The following GRIN2A variants were observed in gnomAD, a reference collection of about 807,000 sequenced individuals.
GRIN2A encodes glutamate ionotropic receptor NMDA type subunit 2A.
GRIN2A carries 22 observed loss-of-function variants against 113.4 expected under a neutral mutation model. That is an observed-to-expected ratio of 0.19 (90% CI 0.14 to 0.28). GRIN2A has a LOEUF of 0.28. Among genes scored for constraint, GRIN2A ranks in the 10% least tolerant of loss-of-function variants. The pLI is 1.00. For missense variants in GRIN2A, 1,502 were observed against 1,887.0 expected, an observed-to-expected ratio of 0.80 and a Z score of 3.78; for synonymous variants, 827 against 738.4, an observed-to-expected ratio of 1.12 and a Z score of -1.94.
At chr16:10,104,940 G>A (rs553047662) in intron 2 of GRIN2A, among the ~76,000 whole-genome samples, 1 of 152,314 alleles carries the variant, frequency 6.6e-6, no homozygotes, top group African/African-American at 2.4e-5. Flanking sequence ...TATGACAACA[G>A]GGGGAGGTGC....
chr16:9,985,553 C>G lies in GRIN2A; in HGVS notation c.415-47002G>C, dbSNP rs760506833. Among the ~76,000 whole-genome samples, 232 of 151,886 alleles carry G rather than the reference C, an allele frequency of 1.5e-3. 4 individuals are homozygous for G. Among genetic ancestry groups the G allele is most frequent in the Admixed American group, 7.2e-4 (11 of 15,266 alleles). ...GTCATTTGCAACAATATGGATGGAA[C>G]TGGAGGTTAGTATGTTAAATGAAAT... On this transcript the variant is annotated intron_variant, in intron 2 of 12. Transcript: ENST00000330684.
chr16:9,858,002 C>T (rs2042997483), intron 4 of GRIN2A, among the ~76,000 whole-genome samples: 1 of 152,156 alleles, frequency 6.6e-6, no homozygotes, highest in African/African-American at 2.4e-5. Flanking sequence ...TTGGTTATAG[C>T]ATATTCATTT....
chr16:9,991,149 C>T (rs931501224), intron 2 of GRIN2A, among the ~76,000 whole-genome samples: 1 of 152,134 alleles, frequency 6.6e-6, no homozygotes. Context: ...AAGGCAAATG[C>T]CTGGTATTTC....
intron 3 of GRIN2A, among the ~76,000 whole-genome samples, chr16:9,913,829 G>A (rs1219727551): frequency 2.0e-5 from 3 of 152,110 alleles, no homozygotes; most frequent in Non-Finnish European, 4.4e-5. Context: ...TCAAGGCTCT[G>A]AGCCTGCTTA....
In GRIN2A at chr16:9,758,688, A is replaced by G. The variant is rs1322988081; in HGVS notation, c.*4461T>C. On this transcript the variant is annotated 3_prime_UTR_variant, in exon 13 of 13. Transcript: ENST00000330684. The stretch of plus-strand genomic sequence containing the variant: ...AAGTGCATTTGATCATCTCTGATCT[A>G]TATCAAGTGGCAAGCTGACCTCATC... 6 of 215,482 alleles carry G rather than the reference A, an allele frequency of 2.8e-5. No homozygotes were observed. Among genetic ancestry groups the G allele is most frequent in the African/African-American group, 4.5e-5 (2 of 44,392 alleles). The allele number at this position is 215,482 out of a possible 1,614,324, so 13.3% of individuals were successfully genotyped here.
At chr16:10,050,047 A>T (rs1027560994) in intron 2 of GRIN2A, among the ~76,000 whole-genome samples, 4 of 152,208 alleles carry the variant, frequency 2.6e-5, no homozygotes, top group Non-Finnish European at 4.4e-5. Context: ...GAACCTGTGA[A>T]TATGTTAACT....
chr16:10,112,838 G>T, intron 2 of GRIN2A: 2 of 604,776 alleles, frequency 3.3e-6, no homozygotes, highest in Non-Finnish European at 6.2e-6. Context: ...CCCAGATCGA[G>T]GGTGGCGTCC....
chr16:9,848,735 ACT>A (rs1277500715), intron 5 of GRIN2A, among the ~76,000 whole-genome samples: 9 of 64,368 alleles, frequency 1.4e-4, no homozygotes, highest in African/African-American at 4.8e-4. Flanking sequence ...TATAAAATAC[ACT>A]GTTTTATAAT....
intron 2 of GRIN2A, among the ~76,000 whole-genome samples, chr16:10,161,110 A>G (rs530515591): frequency 1.2e-4 from 19 of 152,300 alleles, no homozygotes; most frequent in African/African-American, 4.6e-4. Flanking sequence ...GTGTTGTGGG[A>G]GGGACCTGGT....
chr16:9,979,504 C>G (rs2045843690), intron 2 of GRIN2A, among the ~76,000 whole-genome samples: 1 of 152,132 alleles, frequency 6.6e-6, no homozygotes, highest in South Asian at 2.1e-4. Flanking sequence ...ACGTCTCATG[C>G]TCTGAGAGGC....
Position 9,760,122 on chromosome 16 carries a change from T to C in GRIN2A, c.*3027A>G, listed in dbSNP as rs1900515181. 4.4e-6 allele frequency: 1 copy of C among 224,976 alleles called. No homozygotes were observed. The highest frequency in any genetic ancestry group is 5.7e-5 in the Admixed American group (1 of 17,498). The allele number at this position is 224,976 out of a possible 1,614,324, so 13.9% of individuals were successfully genotyped here. A position where few individuals can be genotyped will look rare whatever the true frequency, so the allele number is the denominator to read the frequency against. ...AAACTCAGGCATTTGTGTTCAGAAA[T>C]TTGGGCTCCTTGACATCAACAAATC... On this transcript the variant is annotated 3_prime_UTR_variant, in exon 13 of 13. Transcript: ENST00000330684.
intron 2 of GRIN2A, among the ~76,000 whole-genome samples, chr16:10,021,250 G>C: frequency 6.6e-6 from 1 of 152,222 alleles, no homozygotes; most frequent in East Asian, 1.9e-4. Context: ...ACTGGTCAAT[G>C]ACGGCTCTAT....
chr16:9,889,751 G>C (rs2043655812), intron 4 of GRIN2A, among the ~76,000 whole-genome samples: 1 of 152,036 alleles, frequency 6.6e-6, no homozygotes, highest in East Asian at 1.9e-4. Flanking sequence ...CAAATATTTG[G>C]AGATTTTCTA....
intron 2 of GRIN2A, among the ~76,000 whole-genome samples, chr16:10,136,008 C>G (rs1449670023): frequency 6.6e-6 from 1 of 152,198 alleles, no homozygotes; most frequent in Non-Finnish European, 1.5e-5. Context: ...ACGCATTCCT[C>G]TATCTCCTCC....
chr16:10,062,566 G>A (rs1408405683), intron 2 of GRIN2A, among the ~76,000 whole-genome samples: 1 of 152,110 alleles, frequency 6.6e-6, no homozygotes, highest in Admixed American at 6.6e-5. Context: ...AAAACATTGG[G>A]TTAACACGCC....
intron 2 of GRIN2A, among the ~76,000 whole-genome samples, chr16:9,942,841 G>A (rs146051062): frequency 0.011 from 1,657 of 152,128 alleles, 19 homozygotes; most frequent in Admixed American, 0.016. Context: ...CATTTCTATT[G>A]GTATCTTAAA....
At chr16:10,156,415 T>C (rs1296777799) in intron 2 of GRIN2A, among the ~76,000 whole-genome samples, 3 of 152,216 alleles carry the variant, frequency 2.0e-5, no homozygotes, top group African/African-American at 7.2e-5. Context: ...AAAGAAAGTA[T>C]GTTTGACAGA....
chr16:9,925,544 C>T (rs1156618485), intron 3 of GRIN2A, among the ~76,000 whole-genome samples: 1 of 152,182 alleles, frequency 6.6e-6, no homozygotes, highest in African/African-American at 2.4e-5. Context: ...TTGTCTCTGC[C>T]ATTCAGGGAG....
rs1250662891 is a variant in GRIN2A at position 10,180,176 on chromosome 16, G to C, written c.236C>G (p.Pro79Arg). The change falls in exon 2 of 13, where the codon CCC becomes CGC. Residue 79 changes from proline (P) to arginine (R), a missense_variant. Pro to Arg is a moderately radical substitution (Grantham distance 103, BLOSUM62 -2). Transcript: ENST00000330684. The surrounding 1 kb of genome is among the most constrained non-coding windows in gnomAD (Gnocchi z 7.0). ...GCACACGTGCGTGATGAGGCTCTTG[G>C]GGTCGGTGCGGTTCATCAGCAGAGC... ...VVALLMNRTD[P>R]KSLITHVCDL... 1 of 1,614,206 alleles carries C rather than the reference G, an allele frequency of 6.2e-7. No individual in the cohort carries two copies. Among genetic ancestry groups the C allele is most frequent in the Non-Finnish European group, 8.5e-7 (1 of 1,180,042 alleles).
Sources: allele counts gnomAD v4.1 joint callset (sites outside exome capture counted in the v4.1 genomes callset), GRCh38; gene constraint gnomAD v4.1.1; non-coding constraint Gnocchi (gnomAD v3.1); transcripts MANE v1.5; gene names NCBI Gene and HGNC (gene_info 2026-07-23, HGNC 2026-07-21).